ERLIN2: variants seen among roughly 807,000 people sequenced by gnomAD.
ERLIN2 encodes erlin-2.
Under a neutral mutation model 41.5 loss-of-function variants are expected in ERLIN2, and 22 were observed. The observed-to-expected ratio is 0.53, with a 90% confidence interval of 0.38 to 0.76. The LOEUF (loss-of-function observed/expected upper bound fraction) is 0.76, where lower values mean the gene tolerates loss of function less well. ERLIN2 is among the 30% of genes least tolerant of loss of function. The pLI, the probability that ERLIN2 is intolerant of heterozygous loss-of-function variation, is 0.00. For synonymous variants in ERLIN2, 149 were observed against 150.9 expected, an observed-to-expected ratio of 0.99 and a Z score of 0.09; for missense variants, 247 against 414.3, an observed-to-expected ratio of 0.60 and a Z score of 3.51.
intron 6 of ERLIN2, chr8:37,747,759 A>G (rs756081712): frequency 5.0e-5 from 81 of 1,604,798 alleles, no homozygotes; most frequent in East Asian, 1.1e-4. Context: ...CAATGCCTTC[A>G]GGTCTCCGCA....
In ERLIN2 at chr8:37,753,961, T is replaced by C. The variant is rs773267719; in HGVS notation, c.866T>C (p.Ile289Thr). 1.2e-6 allele frequency: 2 copies of C among 1,613,814 alleles called. No homozygotes were observed. Among genetic ancestry groups the C allele is most frequent in the Non-Finnish European group, 1.7e-6 (2 of 1,179,818 alleles). ...EYLQLMKYKA[I>T]ASNSKIYFGK... is the part of the protein sequence containing the mutation. ...CTGCAGCTGATGAAGTACAAGGCCA[T>C]TGCTTCCAACAGCAAGATTTACTTT... The change falls in exon 12 of 12, where the codon ATT becomes ACT. Residue 289 changes from isoleucine (I) to threonine (T), a missense_variant. Coordinates refer to ENST00000519638, the MANE Select transcript of ERLIN2 (RefSeq NM_007175.8).
chr8:37,745,752 A>C, intron 6 of ERLIN2: 1 of 1,513,952 alleles, frequency 6.6e-7, no homozygotes. Flanking sequence ...GTAGAAAATG[A>C]ATCTAAATTC....
intron 10 of ERLIN2, among the ~76,000 whole-genome samples, chr8:37,752,954 C>T (rs530124939): frequency 1.3e-5 from 2 of 152,278 alleles, no homozygotes; most frequent in Admixed American, 6.5e-5. Flanking sequence ...ATGTTATGTT[C>T]GTGGCATTCA....
chr8:37,753,869 A>C, intron 11 of ERLIN2, 46 bp from the exon 12 acceptor site: 1 of 1,553,732 alleles, frequency 6.4e-7, no homozygotes, highest in Non-Finnish European at 8.9e-7. Context: ...CTCCTTCTCT[A>C]ATATGGTTCA....
Position 37,740,455 on chromosome 8 carries a change from G to A in ERLIN2, c.189+9G>A, listed in dbSNP as rs1317619169. 1 of 1,607,552 alleles carries A rather than the reference G, an allele frequency of 6.2e-7. No homozygotes were observed. The highest frequency in any genetic ancestry group is 1.1e-5 in the South Asian group (1 of 90,950). Reference sequence around the variant, plus strand: ...CATATAAGTCTGTGCAGGTATGCTTGGCCTCTGTGGTATGGCTGGACGACT... The same window carrying A: ...CATATAAGTCTGTGCAGGTATGCTTAGCCTCTGTGGTATGGCTGGACGACT... On this transcript the variant is annotated intron_variant, in intron 3 of 11. Coordinates refer to ENST00000519638, the MANE Select transcript of ERLIN2 (RefSeq NM_007175.8).
intron 6 of ERLIN2, chr8:37,746,533 TAA>T (rs1803057150): frequency 1.0e-6 from 1 of 969,758 alleles, no homozygotes; most frequent in African/African-American, 1.8e-5. Flanking sequence ...AAATGTAAAG[TAA>T]AAGATACACA....
At chr8:37,750,052 G>A in intron 8 of ERLIN2, 200 bp downstream of exon 8, 1 of 673,210 alleles carries the variant, frequency 1.5e-6, no homozygotes, top group East Asian at 2.7e-5. Flanking sequence ...AGAACCCCAG[G>A]ATAATCCCTG....
intron 6 of ERLIN2, chr8:37,747,203 G>A (rs1803080494): frequency 1.5e-6 from 1 of 659,608 alleles, no homozygotes. Context: ...ACTGCATGTA[G>A]GAGAATCAAT....
intron 2 of ERLIN2, 52 bp from the exon 3 acceptor site, chr8:37,740,311 AAC>A (rs1802804414): frequency 7.9e-7 from 1 of 1,265,008 alleles, no homozygotes; most frequent in African/African-American, 1.5e-5. Context: ...ATATTGATCT[AAC>A]AGAGCCTTCT....
Position 37,738,229 on chromosome 8 carries a change from T to G in ERLIN2, c.107+200T>G, listed in dbSNP as rs1802724057. On this transcript the variant is annotated intron_variant, in intron 2 of 11. Transcript: ENST00000519638. The stretch of plus-strand genomic sequence containing the variant: ...CACATATATATGTAAATTTAGAACT[T>G]CACTTAGTAGTCCAAGATGATGCCA... 2.6e-5 allele frequency among the ~76,000 whole-genome samples: 4 copies of G among 152,222 alleles called. No individual in the cohort carries two copies. The South Asian group carries it at 8.3e-4, about 32-fold the overall frequency.
chr8:37,751,183 G>A (rs925411174), intron 9 of ERLIN2, among the ~76,000 whole-genome samples: 1 of 152,208 alleles, frequency 6.6e-6, no homozygotes, highest in Non-Finnish European at 1.5e-5. Context: ...GCACAGAGGG[G>A]TAAAATACCA....
At chr8:37,747,716 C>T in intron 6 of ERLIN2, 1 of 1,577,988 alleles carries the variant, frequency 6.3e-7, no homozygotes, top group South Asian at 1.1e-5. Context: ...AGCAGCAGTC[C>T]ACACTTTGCA....
intron 6 of ERLIN2, chr8:37,745,647 C>T (rs1803019648): frequency 6.2e-7 from 1 of 1,613,914 alleles, no homozygotes; most frequent in Non-Finnish European, 8.5e-7. Flanking sequence ...GACAGGAGGA[C>T]TCATCCACAT....
chr8:37,747,763 C>A (rs763960837), intron 6 of ERLIN2: 11 of 1,609,208 alleles, frequency 6.8e-6, no homozygotes, highest in East Asian at 2.2e-5. Context: ...GCCTTCAGGT[C>A]TCCGCAGATA....
At position 37,756,590 on chromosome 8, in the gene ERLIN2, A is replaced by G. The variant is rs979351299; in HGVS notation, c.*2475A>G. On this transcript the variant is annotated 3_prime_UTR_variant, in exon 12 of 12. Transcript: ENST00000519638. ...AAACAAAAAATATGTTATCCTACAC[A>G]TTAGTGTCAATCCAATGGTTGTCTC... 1 of 152,610 alleles carries G rather than the reference A, an allele frequency of 6.6e-6. No individual in the cohort carries two copies. The highest frequency in any genetic ancestry group is 1.5e-5 in the Non-Finnish European group (1 of 68,052). The allele number at this position is 152,610 out of a possible 1,614,324, so 9.5% of individuals were successfully genotyped here.
intron 6 of ERLIN2, chr8:37,747,688 G>A (rs775906072): frequency 3.1e-6 from 5 of 1,589,448 alleles, no homozygotes; most frequent in African/African-American, 1.3e-5. Context: ...AGCATTCTTC[G>A]GCTGGGATTG....
chr8:37,741,753 A>G lies in ERLIN2; in HGVS notation c.190-19A>G, dbSNP rs529087026. On this transcript the variant is annotated intron_variant, in intron 3 of 11. Transcript: ENST00000519638. This position sits in a 1 kb window ranked among gnomAD's most constrained non-coding sequence, Gnocchi z 4.8. ...GTCACTGCCCATCTTCTAGCACTTT[A>G]TGTTTCCTCTGTTTCCAGACCACAC... The G allele has an allele frequency of 9.8e-5, 157 of 1,606,916 alleles. 2 individuals carry two copies. In the South Asian group the frequency reaches 1.7e-3, roughly 17 times the overall value.
chr8:37,744,741 T>G (rs192017140), intron 6 of ERLIN2, 45 bp downstream of exon 6: 273 of 1,611,416 alleles, frequency 1.7e-4, no homozygotes, highest in Middle Eastern at 9.9e-4. Flanking sequence ...GCAGGGTTCC[T>G]GGAACCCCGC....
intron 9 of ERLIN2, 26 bp from the exon 10 acceptor site, chr8:37,751,600 C>T (rs150816707): frequency 1.3e-5 from 20 of 1,578,686 alleles, no homozygotes; most frequent in Non-Finnish European, 1.6e-5. Flanking sequence ...ATGCCAGAAC[C>T]GTAATCCTCA....
Sources: gnomAD v4.1 joint callset for allele counts (sites outside exome capture counted in the v4.1 genomes callset) on GRCh38, gnomAD v4.1.1 for gene constraint, Gnocchi (gnomAD v3.1) non-coding constraint, MANE v1.5 for transcripts, NCBI Gene and HGNC (gene_info 2026-07-23, HGNC 2026-07-21) for gene names.